The following PSMB7 variants were observed in gnomAD, a reference collection of about 807,000 sequenced individuals.
PSMB7 encodes the protein proteasome subunit beta type-7.
Under a neutral mutation model 28.1 loss-of-function variants are expected in PSMB7, and 5 were observed. The observed-to-expected ratio is 0.18, with a 90% CI of 0.09 to 0.37. PSMB7 has a LOEUF of 0.37. Among genes scored for constraint, PSMB7 ranks in the 10% least tolerant of loss-of-function variants. PSMB7 has a pLI of 1.00. For synonymous variants in PSMB7, 122 were observed against 123.7 expected, an observed-to-expected ratio of 0.99 and a Z score of 0.09; for missense variants, 275 against 346.2, an observed-to-expected ratio of 0.79 and a Z score of 1.63.
At chr9:124,368,067 G>A (rs1020183105) in intron 6 of PSMB7, among the ~76,000 whole-genome samples, 13 of 152,110 alleles carry the variant, frequency 8.5e-5, no homozygotes, top group African/African-American at 2.2e-4. Context: ...CCGCCATTTC[G>A]GTGAGAAGTG....
intron 6 of PSMB7, among the ~76,000 whole-genome samples, chr9:124,377,819 G>A (rs1830628212): frequency 6.6e-6 from 1 of 152,202 alleles, no homozygotes; most frequent in South Asian, 2.1e-4. Flanking sequence ...GTATAGGGTA[G>A]GAGCTCATCC....
chr9:124,386,079 A>T (rs1177805681), intron 5 of PSMB7, among the ~76,000 whole-genome samples: 2 of 151,900 alleles, frequency 1.3e-5, no homozygotes, highest in Non-Finnish European at 2.9e-5. Context: ...ACAAGCAATG[A>T]CTATTCATTT....
intron 6 of PSMB7, among the ~76,000 whole-genome samples, chr9:124,373,362 G>T (rs1374777624): frequency 6.6e-6 from 1 of 152,164 alleles, no homozygotes. Context: ...AAGCCAGAGA[G>T]AAAATTATTG....
intron 5 of PSMB7, among the ~76,000 whole-genome samples, chr9:124,397,631 GA>G (rs951909575): frequency 3.3e-5 from 5 of 149,452 alleles, no homozygotes; most frequent in African/African-American, 4.9e-5. Flanking sequence ...TCAGAAAAAA[GA>G]AAAAAAAAGA....
chr9:124,407,414 G>A (rs1266337333), intron 4 of PSMB7, among the ~76,000 whole-genome samples: 1 of 152,106 alleles, frequency 6.6e-6, no homozygotes, highest in African/African-American at 2.4e-5. Context: ...CTGGTCCAAG[G>A]CCCCACGTGT....
intron 4 of PSMB7, among the ~76,000 whole-genome samples, chr9:124,406,365 G>T (rs1207025247): frequency 1.3e-5 from 2 of 151,930 alleles, no homozygotes; most frequent in African/African-American, 4.8e-5. Flanking sequence ...AGCAAGGCAT[G>T]GTGGCATGTA....
At chr9:124,364,733 G>A (rs1416885946) in intron 6 of PSMB7, among the ~76,000 whole-genome samples, 1 of 152,172 alleles carries the variant, frequency 6.6e-6, no homozygotes, top group African/African-American at 2.4e-5. Context: ...ACAGAGAAAT[G>A]AAGTGAATCT....
intron 5 of PSMB7, among the ~76,000 whole-genome samples, chr9:124,392,736 T>C (rs1397716302): frequency 6.6e-6 from 1 of 152,160 alleles, no homozygotes; most frequent in Non-Finnish European, 1.5e-5. Flanking sequence ...TTTCTCAAAG[T>C]CATGAAGTTA....
rs773909576 is a variant in PSMB7, at chr9:124,412,506, T to A, written c.255-14A>T. 7 of 1,612,352 alleles carry A rather than the reference T, an allele frequency of 4.3e-6. No homozygotes were observed. In the South Asian group the frequency reaches 7.7e-5, roughly 18 times the overall value. On this transcript the variant is annotated splice_polypyrimidine_tract_variant and intron_variant, in intron 3 of 7. Coordinates refer to ENST00000259457, the MANE Select transcript of PSMB7 (RefSeq NM_002799.4). ...GCACCACAACAACTGAAAAATCCAA[T>A]TAGAAACTTAGCTGAAATCCAATTA...
chr9:124,402,739 G>C (rs1481851550), intron 5 of PSMB7, among the ~76,000 whole-genome samples: 1 of 152,098 alleles, frequency 6.6e-6, no homozygotes, highest in African/African-American at 2.4e-5. Context: ...AATAGAAAAG[G>C]TTATTCCACC....
chr9:124,380,078 T>C (rs555823201), intron 6 of PSMB7, among the ~76,000 whole-genome samples: 92 of 151,958 alleles, frequency 6.1e-4, no homozygotes, highest in Non-Finnish European at 1.1e-3. Flanking sequence ...GGGACACAAA[T>C]AAATGAAGCA....
At chr9:124,366,880 C>G (rs867632041) in intron 6 of PSMB7, among the ~76,000 whole-genome samples, 1 of 152,224 alleles carries the variant, frequency 6.6e-6, no homozygotes, top group Non-Finnish European at 1.5e-5. Context: ...ACAGGTTGCA[C>G]CATAGTGTAT....
chr9:124,355,393 G>A (rs558016090), intron 7 of PSMB7, among the ~76,000 whole-genome samples: 5 of 152,340 alleles, frequency 3.3e-5, no homozygotes, highest in South Asian at 2.1e-4. Flanking sequence ...GGACTCCTGC[G>A]CTCAGCACAG....
At chr9:124,395,403 G>A (rs886952935) in intron 5 of PSMB7, among the ~76,000 whole-genome samples, 2 of 152,000 alleles carry the variant, frequency 1.3e-5, no homozygotes, top group African/African-American at 2.4e-5. Flanking sequence ...AGAGGTAGGA[G>A]GATCACTTGA....
intron 6 of PSMB7, among the ~76,000 whole-genome samples, chr9:124,382,198 C>CTTT (rs1830674166): frequency 1.1e-5 from 1 of 88,940 alleles, no homozygotes; most frequent in African/African-American, 4.0e-5. Context: ...TCTCTCTTTT[C>CTTT]TCTTTTTTTT....
intron 5 of PSMB7, among the ~76,000 whole-genome samples, chr9:124,399,690 AG>A (rs1830879506): frequency 6.6e-6 from 1 of 152,182 alleles, no homozygotes; most frequent in Admixed American, 6.5e-5. Context: ...GCTGGCGCTG[AG>A]GAACGCCAGG....
intron 5 of PSMB7, among the ~76,000 whole-genome samples, chr9:124,388,405 T>C (rs1830747618): frequency 6.6e-6 from 1 of 152,072 alleles, no homozygotes; most frequent in South Asian, 2.1e-4. Context: ...GAGAACTTAC[T>C]CCAGTCAGGA....
At chr9:124,354,104 T>C (rs1198081983) in intron 7 of PSMB7, among the ~76,000 whole-genome samples, 2 of 152,220 alleles carry the variant, frequency 1.3e-5, no homozygotes, top group African/African-American at 4.8e-5. Context: ...TGCTCTTCCG[T>C]GCAGCAACAA....
At chr9:124,355,233 C>T (rs1198470837) in intron 7 of PSMB7, among the ~76,000 whole-genome samples, 1 of 152,242 alleles carries the variant, frequency 6.6e-6, no homozygotes, top group African/African-American at 2.4e-5. Context: ...ACCACACGCC[C>T]AGCAGCTTCT....
Sources: allele counts gnomAD v4.1 joint callset (sites outside exome capture counted in the v4.1 genomes callset), GRCh38; gene constraint gnomAD v4.1.1; transcripts MANE v1.5; gene names NCBI Gene and HGNC (gene_info 2026-07-23, HGNC 2026-07-21).